ENTREP2: variants seen among roughly 807,000 people sequenced by gnomAD.
ENTREP2 encodes endosomal transmembrane epsin interactor 2, also known as protein ENTREP2.
chr15:29,605,061 G>T, the ENTREP2 span, among the ~76,000 whole-genome samples: 8 of 152,316 alleles, frequency 5.3e-5, no homozygotes, highest in East Asian at 1.4e-3. Context: ...CTGAGACAAA[G>T]CTTTGCAGTT....
chr15:29,546,466 T>C, the ENTREP2 span, among the ~76,000 whole-genome samples: 2 of 152,110 alleles, frequency 1.3e-5, no homozygotes, highest in African/African-American at 2.4e-5. Context: ...AAAAGGATGA[T>C]ACAAGTGGCA....
chr15:29,192,754 A>C, the ENTREP2 span, among the ~76,000 whole-genome samples: 4 of 152,234 alleles, frequency 2.6e-5, no homozygotes, highest in Admixed American at 2.0e-4. Flanking sequence ...GACTGGACAC[A>C]GTTGAGGAAA....
At chr15:29,232,176 C>T in the ENTREP2 span, among the ~76,000 whole-genome samples, 46 of 151,942 alleles carry the variant, frequency 3.0e-4, no homozygotes, top group Non-Finnish European at 1.9e-4. Context: ...CAGGTGTGAG[C>T]CACCGCTCCT....
chr15:29,429,222 CATCCATCCATCT>C, the ENTREP2 span, among the ~76,000 whole-genome samples: 67 of 150,092 alleles, frequency 4.5e-4, no homozygotes, highest in South Asian at 5.1e-3. Flanking sequence ...TCCATCCATC[CATCCATCCATCT>C]ATCTTGAGAT....
the ENTREP2 span, among the ~76,000 whole-genome samples, chr15:29,503,275 A>G: frequency 7.2e-5 from 11 of 152,208 alleles, no homozygotes; most frequent in Non-Finnish European, 1.2e-4. Flanking sequence ...AGGAAGTGCT[A>G]TTGCATGCTA....
At chr15:29,528,472 A>T in the ENTREP2 span, among the ~76,000 whole-genome samples, 1 of 152,208 alleles carries the variant, frequency 6.6e-6, no homozygotes, top group African/African-American at 2.4e-5. Context: ...AGAGTGACAC[A>T]TTCCTGCCTA....
the ENTREP2 span, among the ~76,000 whole-genome samples, chr15:29,209,047 G>A: frequency 1.3e-5 from 2 of 152,310 alleles, no homozygotes; most frequent in South Asian, 2.1e-4. Flanking sequence ...GGGAGAAGGA[G>A]GGGCGGGGCT....
chr15:29,557,375 T>G, the ENTREP2 span, among the ~76,000 whole-genome samples: 1 of 152,106 alleles, frequency 6.6e-6, no homozygotes, highest in Non-Finnish European at 1.5e-5. Context: ...TGCCAGCTGC[T>G]CCACCTCATT....
chr15:29,121,574 A>G, the ENTREP2 span: 1 of 152,228 alleles, frequency 6.6e-6, no homozygotes. Flanking sequence ...AAAATCCACC[A>G]ATTAATTTCA....
the ENTREP2 span, among the ~76,000 whole-genome samples, chr15:29,150,033 C>T: frequency 6.6e-6 from 1 of 152,214 alleles, no homozygotes; most frequent in Non-Finnish European, 1.5e-5. Context: ...CAGCCCACCG[C>T]GTCTGCAGAC....
chr15:29,308,589 C>T, the ENTREP2 span, among the ~76,000 whole-genome samples: 1 of 152,138 alleles, frequency 6.6e-6, no homozygotes, highest in Non-Finnish European at 1.5e-5. Flanking sequence ...TAGTTTCTTC[C>T]TCAGCAACAC....
At chr15:29,451,442 C>T in the ENTREP2 span, among the ~76,000 whole-genome samples, 5 of 152,154 alleles carry the variant, frequency 3.3e-5, no homozygotes, top group African/African-American at 1.2e-4. Context: ...AGAGAAAAGG[C>T]ACTCCCAGAC....
chr15:29,306,922 CATTTT>C, the ENTREP2 span, among the ~76,000 whole-genome samples: 1 of 151,704 alleles, frequency 6.6e-6, no homozygotes, highest in African/African-American at 2.4e-5. Context: ...ATTTTTTGTA[CATTTT>C]AGTAGAGACA....
At chr15:29,261,209 T>G in the ENTREP2 span, among the ~76,000 whole-genome samples, 48 of 152,178 alleles carry the variant, frequency 3.2e-4, 1 homozygote, top group African/African-American at 1.1e-3. Flanking sequence ...ATCCCATCTC[T>G]AAAAAAATAG....
the ENTREP2 span, among the ~76,000 whole-genome samples, chr15:29,581,162 A>C: frequency 6.6e-6 from 1 of 152,194 alleles, no homozygotes; most frequent in African/African-American, 2.4e-5. Flanking sequence ...TTAGTGATGT[A>C]AGTGTGGGAT....
chr15:29,402,441 G>A, the ENTREP2 span, among the ~76,000 whole-genome samples: 123 of 152,112 alleles, frequency 8.1e-4, 1 homozygote, highest in African/African-American at 3.1e-4. Context: ...TCGGCCTCCC[G>A]AATAGCAGGG....
the ENTREP2 span, chr15:29,269,818 A>C: frequency 1.8e-5 from 19 of 1,035,478 alleles, no homozygotes; most frequent in Middle Eastern, 3.2e-4. Context: ...GTGTCGGCTG[A>C]GACTGCGTGC....
the ENTREP2 span, among the ~76,000 whole-genome samples, chr15:29,427,600 C>T: frequency 2.0e-5 from 3 of 152,138 alleles, no homozygotes; most frequent in African/African-American, 4.8e-5. Context: ...CTGAGTTCTG[C>T]TTCCATCCTC....
At chr15:29,302,309 T>C in the ENTREP2 span, among the ~76,000 whole-genome samples, 1 of 152,214 alleles carries the variant, frequency 6.6e-6, no homozygotes, top group Non-Finnish European at 1.5e-5. Context: ...AAGCTGTTCA[T>C]TCAACTTATC....
Sources: gnomAD v4.1 joint callset for allele counts (sites outside exome capture counted in the v4.1 genomes callset) on GRCh38, gnomAD v4.1.1 for gene constraint, MANE v1.5 for transcripts, NCBI Gene and HGNC (gene_info 2026-07-23, HGNC 2026-07-21) for gene names.